The following FRAS1 variants were observed in gnomAD, a reference collection of about 807,000 sequenced individuals.
FRAS1 encodes extracellular matrix organizing protein FRAS1.
FRAS1 carries 290 observed loss-of-function variants against 435.2 expected under a neutral mutation model. The observed-to-expected ratio is 0.67, with a 90% confidence interval of 0.61 to 0.73. The LOEUF (loss-of-function observed/expected upper bound fraction) is 0.73. FRAS1 is among the 30% of genes least tolerant of loss of function. The pLI, the probability that FRAS1 is intolerant of heterozygous loss-of-function variation, is 0.00. For synonymous variants in FRAS1, 1,800 were observed against 1,851.0 expected (o/e 0.97, Z 0.71); for missense variants, 4,860 against 5,001.5 (o/e 0.97, Z 0.85).
chr4:78,218,096 T>TCA (rs1331078788), intron 2 of FRAS1, among the ~76,000 whole-genome samples: 1 of 10,698 alleles, frequency 9.3e-5, no homozygotes, highest in African/African-American at 1.5e-4. Flanking sequence ...TCTCACTCTC[T>TCA]CTCACACACA....
chr4:78,109,550 C>T (rs1446228208), intron 2 of FRAS1, among the ~76,000 whole-genome samples: 5 of 137,260 alleles, frequency 3.6e-5, no homozygotes, highest in Non-Finnish European at 6.2e-5. Flanking sequence ...AATTCAACAA[C>T]CCTTCATGCT....
intron 18 of FRAS1, among the ~76,000 whole-genome samples, chr4:78,331,364 A>G (rs954888022): frequency 3.3e-5 from 5 of 152,106 alleles, no homozygotes; most frequent in Non-Finnish European, 7.4e-5. Context: ...TGGTATGGGT[A>G]TTAGCCTGTA....
rs186770221 is a variant in FRAS1 at position 78,372,989 on chromosome 4, G to A, written c.3010+131G>A. Reference sequence around the variant, plus strand: ...ACCCCATTTCTGGTTTCTTTCCTAAGAGCTATCTTTGTTATCATGAAAATT... The same window carrying A: ...ACCCCATTTCTGGTTTCTTTCCTAAAAGCTATCTTTGTTATCATGAAAATT... On this transcript the variant is annotated intron_variant, in intron 24 of 73. Coordinates refer to ENST00000512123, the MANE Select transcript of FRAS1 (RefSeq NM_025074.7). 211 of 1,024,768 alleles carry A rather than the reference G, an allele frequency of 2.1e-4. 2 individuals carry two copies. In the East Asian group the frequency reaches 5.0e-3, roughly 24 times the overall value. The allele number at this position is 1,024,768 out of a possible 1,614,324, so 63.5% of individuals were successfully genotyped here.
chr4:78,466,169 T>C (rs1446006326), intron 49 of FRAS1, 39 bp from the exon 50 acceptor site: 2 of 1,574,040 alleles, frequency 1.3e-6, no homozygotes, highest in Non-Finnish European at 1.7e-6. Flanking sequence ...GTTTCTGTTA[T>C]GAGCTTCCCT....
rs185049754 is a variant in FRAS1, at chr4:78,285,501, G to A, written c.1400-904G>A. On this transcript the variant is annotated intron_variant, in intron 13 of 73. Transcript: ENST00000512123. Reference sequence around the variant, plus strand: ...GGCTGGAGTGTGGTGGCATGGTCTCGGCTCACTGCAACTTCCACCTCCCGG... The same window carrying A: ...GGCTGGAGTGTGGTGGCATGGTCTCAGCTCACTGCAACTTCCACCTCCCGG... 3.1e-3 allele frequency among the ~76,000 whole-genome samples: 458 copies of A among 149,980 alleles called. 2 individuals are homozygous for A. Among genetic ancestry groups the A allele is most frequent in the African/African-American group, 0.011 (440 of 40,850 alleles).
chr4:78,477,403 C>A (rs938726289), intron 54 of FRAS1, among the ~76,000 whole-genome samples: 1 of 152,172 alleles, frequency 6.6e-6, no homozygotes, highest in Non-Finnish European at 1.5e-5. Flanking sequence ...TAACCTAATA[C>A]AGCTTGGAAG....
intron 60 of FRAS1, among the ~76,000 whole-genome samples, chr4:78,497,529 T>A (rs1264266571): frequency 1.3e-5 from 2 of 152,234 alleles, no homozygotes; most frequent in African/African-American, 4.8e-5. Context: ...TAGATAATAA[T>A]GTTACAAATA....
At chr4:78,128,473 T>C (rs1021347724) in intron 2 of FRAS1, among the ~76,000 whole-genome samples, 7 of 152,208 alleles carry the variant, frequency 4.6e-5, no homozygotes, top group African/African-American at 1.7e-4. Flanking sequence ...TATCTCATTG[T>C]GGTTTTGGTT....
chr4:78,191,534 C>CTTTTTT (rs35774956), intron 2 of FRAS1, among the ~76,000 whole-genome samples: 1 of 142,822 alleles, frequency 7.0e-6, no homozygotes, highest in African/African-American at 2.6e-5. Flanking sequence ...GTATTATTTT[C>CTTTTTT]TTTTTTTTTT....
In FRAS1 at chr4:78,372,582, T is replaced by G. The variant is rs879021754; in HGVS notation, c.2870-136T>G. On this transcript the variant is annotated intron_variant, in intron 23 of 73. Coordinates refer to ENST00000512123, the MANE Select transcript of FRAS1 (RefSeq NM_025074.7). ...GGCTACTACAAGTGGAAACCTCATT[T>G]GAGCCTACTTATCTGACATCTCTTA... The G allele has an allele frequency of 1.0e-4, 103 of 1,030,696 alleles. 1 individual carries two copies. In the South Asian group the frequency reaches 1.3e-3, roughly 13 times the overall value. 63.8% of individuals were successfully genotyped at this position (1,030,696 alleles called of 1,614,324 possible). A position where few individuals can be genotyped will look rare whatever the true frequency, so the allele number is the denominator to read the frequency against.
intron 14 of FRAS1, among the ~76,000 whole-genome samples, chr4:78,307,312 C>A (rs4515188): frequency 0.28 from 42,173 of 152,124 alleles, 6,578 homozygotes; most frequent in Admixed American, 0.35. Flanking sequence ...TTATTGCTGT[C>A]TTTTGTTTGT....
At position 78,099,154 on chromosome 4, in the gene FRAS1, C is replaced by T. The variant is rs142914741; in HGVS notation, c.108+33138C>T. Among the ~76,000 whole-genome samples the T allele has an allele frequency of 2.1e-3, 318 of 152,210 alleles. 1 individual carries two copies. Among genetic ancestry groups the T allele is most frequent in the African/African-American group, 7.2e-3 (299 of 41,534 alleles). On this transcript the variant is annotated intron_variant, in intron 2 of 73. Coordinates refer to ENST00000512123, the MANE Select transcript of FRAS1 (RefSeq NM_025074.7). ...TCAGCTTTAGAGAGGAGAGGGGGGGCCATGGGGTGATCGAGGAAGAGCTGG... is the reference window on the plus strand; with the variant it reads ...TCAGCTTTAGAGAGGAGAGGGGGGGTCATGGGGTGATCGAGGAAGAGCTGG...
intron 19 of FRAS1, among the ~76,000 whole-genome samples, chr4:78,336,473 C>G (rs1026967394): frequency 2.0e-5 from 3 of 152,232 alleles, no homozygotes; most frequent in Admixed American, 6.5e-5. Flanking sequence ...CAGCAGGGCA[C>G]CCAGGTCACT....
intron 18 of FRAS1, among the ~76,000 whole-genome samples, chr4:78,322,049 T>C (rs924288293): frequency 6.6e-6 from 1 of 152,206 alleles, no homozygotes; most frequent in Non-Finnish European, 1.5e-5. Flanking sequence ...GTTGTTGTAC[T>C]CAATTTACAA....
At chr4:78,100,935 C>A (rs1742093883) in intron 2 of FRAS1, among the ~76,000 whole-genome samples, 1 of 152,126 alleles carries the variant, frequency 6.6e-6, no homozygotes, top group Non-Finnish European at 1.5e-5. Flanking sequence ...TGTCTTTCCA[C>A]CTTATGCTAG....
intron 18 of FRAS1, among the ~76,000 whole-genome samples, chr4:78,332,479 T>C (rs780470430): frequency 5.3e-5 from 8 of 152,242 alleles, no homozygotes; most frequent in Non-Finnish European, 1.0e-4. Context: ...CTGTGGGTTG[T>C]TCTAACATAG....
intron 38 of FRAS1, 115 bp from the exon 39 acceptor site, chr4:78,438,455 G>A (rs1044591724): frequency 4.0e-6 from 4 of 1,007,708 alleles, no homozygotes; most frequent in African/African-American, 3.3e-5. Flanking sequence ...TTAAGACAAA[G>A]AGAAAGAGAC....
At chr4:78,380,142 C>A in intron 27 of FRAS1, 146 bp downstream of exon 27, 1 of 852,492 alleles carries the variant, frequency 1.2e-6, no homozygotes, top group Non-Finnish European at 1.8e-6. Context: ...ATACTCTCAG[C>A]TGCCTGTCAT....
chr4:78,386,188 A>G (rs953998976), intron 28 of FRAS1, among the ~76,000 whole-genome samples: 1 of 152,188 alleles, frequency 6.6e-6, no homozygotes, highest in Non-Finnish European at 1.5e-5. Flanking sequence ...AGAAACTTTT[A>G]TCATTTTAAG....
Sources: gnomAD v4.1 joint callset for allele counts (sites outside exome capture counted in the v4.1 genomes callset) on GRCh38, gnomAD v4.1.1 for gene constraint, MANE v1.5 for transcripts, NCBI Gene and HGNC (gene_info 2026-07-23, HGNC 2026-07-21) for gene names.